ABCB1: variants seen among roughly 807,000 people sequenced by gnomAD.
The protein encoded by ABCB1 is ATP-dependent translocase ABCB1.
In ABCB1, 69 loss-of-function variants were observed where a neutral mutation model predicts 142.0. The ratio of observed to expected loss-of-function variants is 0.49; its 90% confidence interval spans 0.40 to 0.59. ABCB1 has a LOEUF of 0.59. Among genes scored for constraint, ABCB1 ranks in the 20% least tolerant of loss-of-function variants. ABCB1 has a pLI of 0.00. For synonymous variants in ABCB1, 532 were observed against 539.2 expected (o/e 0.99, Z 0.18); for missense variants, 1,326 against 1,554.7 (o/e 0.85, Z 2.47).
intron 4 of ABCB1, among the ~76,000 whole-genome samples, chr7:87,571,984 T>C (rs1030438159): frequency 1.3e-4 from 20 of 152,182 alleles, no homozygotes; most frequent in African/African-American, 4.8e-4. Flanking sequence ...TAGAAAAACA[T>C]GCAAGAGGGA....
intron 8 of ABCB1, among the ~76,000 whole-genome samples, chr7:87,557,125 T>C (rs1817345252): frequency 6.6e-6 from 1 of 152,194 alleles, no homozygotes; most frequent in Non-Finnish European, 1.5e-5. Flanking sequence ...TTCTTTCAGA[T>C]CACATTTTTA....
At chr7:87,528,102 A>G (rs909503238) in intron 21 of ABCB1, among the ~76,000 whole-genome samples, 1 of 152,130 alleles carries the variant, frequency 6.6e-6, no homozygotes, top group Non-Finnish European at 1.5e-5. Context: ...TGAGAATAGC[A>G]TGGGAAAAAC....
intron 1 of ABCB1, among the ~76,000 whole-genome samples, chr7:87,612,179 A>C (rs575870461): frequency 1.3e-5 from 2 of 152,216 alleles, no homozygotes; most frequent in African/African-American, 4.8e-5. Context: ...TTGAATGCAT[A>C]ATTTACAAAT....
intron 1 of ABCB1, among the ~76,000 whole-genome samples, chr7:87,710,936 C>T (rs1830018059): frequency 6.6e-6 from 1 of 152,164 alleles, no homozygotes; most frequent in Non-Finnish European, 1.5e-5. Context: ...TCATTCTCCC[C>T]ATAGACTATT....
At chr7:87,638,381 T>TG (rs1356170100) in intron 1 of ABCB1, among the ~76,000 whole-genome samples, 4 of 109,908 alleles carry the variant, frequency 3.6e-5, no homozygotes, top group African/African-American at 7.7e-5. Context: ...GTGTGTGTGT[T>TG]TCCTCCCCTG....
At position 87,536,475 on chromosome 7, in the gene ABCB1, C is replaced by A; in HGVS notation, c.2464G>T (p.Ala822Ser). The change falls in exon 20 of 28, where the codon GCT becomes TCT. Residue 822 changes from alanine (A) to serine (S), a missense_variant. Physicochemically the swap from Ala to Ser is moderately conservative, Grantham distance 99. Coordinates refer to ENST00000622132, the MANE Select transcript of ABCB1 (RefSeq NM_001348946.2). ...GALTTRLAND[A>S]AQVKGAIGSR... ...GCACGTACCCCTTTAACTTGAGCAG[C>A]ATCATTGGCGAGCCTGGTAGTCAAT... 1 of 1,613,972 alleles carries A rather than the reference C, an allele frequency of 6.2e-7. No homozygotes were observed.
intron 6 of ABCB1, 146 bp downstream of exon 6, chr7:87,566,639 C>T (rs936281415): frequency 2.2e-5 from 18 of 815,090 alleles, no homozygotes; most frequent in Middle Eastern, 2.6e-4. Flanking sequence ...AGGATGCACA[C>T]GACATTGTTG....
intron 1 of ABCB1, among the ~76,000 whole-genome samples, chr7:87,628,171 C>T (rs1488468916): frequency 6.6e-6 from 1 of 152,198 alleles, no homozygotes; most frequent in Non-Finnish European, 1.5e-5. Flanking sequence ...ATCCCACAAT[C>T]CCCGCGGCTA....
At chr7:87,504,621 C>A (rs190609181) in intron 27 of ABCB1, among the ~76,000 whole-genome samples, 172 bp from the exon 28 acceptor site, 3 of 152,050 alleles carry the variant, frequency 2.0e-5, no homozygotes, top group Admixed American at 6.6e-5. Flanking sequence ...CTGGCTAACA[C>A]GGTGAAACCC....
intron 1 of ABCB1, among the ~76,000 whole-genome samples, chr7:87,638,345 TTGTGTGTGTGTGTGTGTG>T (rs71524692): frequency 6.9e-6 from 1 of 144,696 alleles, no homozygotes; most frequent in East Asian, 2.0e-4. Context: ...AAGTATGTGT[TTGTGTGTGTGTGTGTGTG>T]TGTGTGTGTG....
chr7:87,549,665 C>A, intron 13 of ABCB1, 147 bp from the exon 14 acceptor site: 3 of 1,415,498 alleles, frequency 2.1e-6, no homozygotes, highest in Non-Finnish European at 3.0e-6. Context: ...AATAACCAAC[C>A]TCAGTTTTTA....
rs1300000922 is a variant in ABCB1 at position 87,504,216 on chromosome 7, GTATT to G, written c.*23_*26del. The G allele has an allele frequency of 1.9e-6, 3 of 1,612,916 alleles. No individual in the cohort carries two copies. The highest frequency in any genetic ancestry group is 2.2e-5 in the South Asian group (2 of 91,044). The stretch of plus-strand genomic sequence containing the variant: ...GTCATATCTAAACAAATATTAAAAA[GTATT>G]TAACATCTCATACAGTCAGAGTTCA... On this transcript the variant is annotated 3_prime_UTR_variant, in exon 28 of 28. Transcript: ENST00000622132.
chr7:87,531,538 T>C, intron 20 of ABCB1, 41 bp from the exon 21 acceptor site: 2 of 1,563,178 alleles, frequency 1.3e-6, no homozygotes, highest in South Asian at 1.1e-5. Context: ...AAAAATATTA[T>C]CTTCACAACT....
At chr7:87,561,960 T>C (rs1329819258) in intron 7 of ABCB1, among the ~76,000 whole-genome samples, 1 of 152,222 alleles carries the variant, frequency 6.6e-6, no homozygotes, top group Non-Finnish European at 1.5e-5. Flanking sequence ...CAGTCCAGCC[T>C]GGGCAACAGA....
chr7:87,628,592 T>C (rs879688880), intron 1 of ABCB1: 7,028 of 95,068 alleles, frequency 0.074, 49 homozygotes, highest in Non-Finnish European at 0.08. Flanking sequence ...TGCGTGTGTG[T>C]GTGTGTGTGT....
chr7:87,705,910 C>A (rs573349711), intron 1 of ABCB1, among the ~76,000 whole-genome samples: 1 of 151,970 alleles, frequency 6.6e-6, no homozygotes, highest in South Asian at 2.1e-4. Flanking sequence ...CAAGAAATCC[C>A]TTCTCCTTCT....
intron 1 of ABCB1, among the ~76,000 whole-genome samples, chr7:87,616,653 A>G (rs1460332087): frequency 6.6e-6 from 1 of 152,168 alleles, no homozygotes; most frequent in Non-Finnish European, 1.5e-5. Flanking sequence ...TTACTCATTT[A>G]TCTTGTCCCA....
chr7:87,528,273 A>G lies in ABCB1; in HGVS notation c.2685+3021T>C, dbSNP rs1013751072. On this transcript the variant is annotated intron_variant, in intron 21 of 27. Transcript: ENST00000622132. Reference sequence around the variant, plus strand: ...GTCTTGACTGTGAATGGTGACTTATATGGTCTGTAAGTGTTTGTGTGCATA... The same window carrying G: ...GTCTTGACTGTGAATGGTGACTTATGTGGTCTGTAAGTGTTTGTGTGCATA... Among the ~76,000 whole-genome samples the G allele has an allele frequency of 4.6e-5, 7 of 152,266 alleles. No individual in the cohort carries two copies. In the East Asian group the frequency reaches 1.4e-3, roughly 29 times the overall value.
intron 21 of ABCB1, among the ~76,000 whole-genome samples, chr7:87,527,240 C>T (rs78166741): frequency 6.6e-6 from 1 of 152,066 alleles, no homozygotes; most frequent in African/African-American, 2.4e-5. Context: ...TTTGAATTGA[C>T]TTTGCTTTTC....
Sources: allele counts gnomAD v4.1 joint callset (sites outside exome capture counted in the v4.1 genomes callset), GRCh38; gene constraint gnomAD v4.1.1; transcripts MANE v1.5; gene names NCBI Gene and HGNC (gene_info 2026-07-23, HGNC 2026-07-21).